The following C16orf74 variants were observed in gnomAD, a reference collection of about 807,000 sequenced individuals.
C16orf74 encodes uncharacterized protein C16orf74.
In C16orf74, 10 loss-of-function variants were observed where a neutral mutation model predicts 6.5. That is an observed-to-expected ratio of 1.54 (90% CI 0.95 to 2.61). The LOEUF (loss-of-function observed/expected upper bound fraction) is 2.61, where lower values mean the gene tolerates loss of function less well. Ranked by LOEUF, C16orf74 falls within the 30% of genes most tolerant of loss-of-function variation. C16orf74 has a pLI of 0.00. For missense variants in C16orf74, 141 were observed against 105.9 expected (o/e 1.33, Z -1.45); for synonymous variants, 60 against 42.5 (o/e 1.41, Z -1.60).
At chr16:85,711,487 G>A (rs1365441073) in intron 2 of C16orf74, among the ~76,000 whole-genome samples, 1 of 151,730 alleles carries the variant, frequency 6.6e-6, no homozygotes, top group African/African-American at 2.4e-5. Flanking sequence ...GCTGGGCATG[G>A]TGGTATGCGC....
chr16:85,722,580 G>A (rs1003471344), intron 2 of C16orf74, among the ~76,000 whole-genome samples: 2 of 152,236 alleles, frequency 1.3e-5, no homozygotes, highest in East Asian at 1.9e-4. Context: ...CCTGGCTCCC[G>A]CTGAGTGGGC....
chr16:85,742,657 T>C (rs1158740549), intron 1 of C16orf74, among the ~76,000 whole-genome samples: 3 of 152,156 alleles, frequency 2.0e-5, no homozygotes, highest in Non-Finnish European at 4.4e-5. Flanking sequence ...TTCTCCTGAC[T>C]TAGCCTCCCG....
chr16:85,710,307 C>A lies in C16orf74; in HGVS notation c.29G>T (p.Gly10Val). The A allele has an allele frequency of 2.7e-6, 4 of 1,505,302 alleles. No homozygotes were observed. The highest frequency in any genetic ancestry group is 3.5e-6 in the Non-Finnish European group (4 of 1,138,640). 93.2% of individuals were successfully genotyped at this position (1,505,302 alleles called of 1,614,324 possible). A position where few individuals can be genotyped will look rare whatever the true frequency, so the allele number is the denominator to read the frequency against. Residue 10 changes from glycine to valine, a missense_variant and splice_region_variant, in exon 3 of 4, where the codon GGC becomes GTC. Gly to Val is a moderately radical substitution (Grantham distance 109). Coordinates refer to ENST00000284245, the MANE Select transcript of C16orf74 (RefSeq NM_206967.3). MGLKMSCLK[G>V]FQMCVSSSSS... Reference sequence around the variant, plus strand: ...GCTGCTGCTGACACACATTTGAAAGCCTGAGAAGCCAGGCGTGGAGCACAC... The same window carrying A: ...GCTGCTGCTGACACACATTTGAAAGACTGAGAAGCCAGGCGTGGAGCACAC...
At chr16:85,712,896 A>G (rs2053984260) in intron 2 of C16orf74, among the ~76,000 whole-genome samples, 1 of 152,090 alleles carries the variant, frequency 6.6e-6, no homozygotes, top group South Asian at 2.1e-4. Flanking sequence ...CAAAGGCGTG[A>G]TTGATGGAGG....
At chr16:85,723,740 C>T (rs2054105894) in intron 2 of C16orf74, among the ~76,000 whole-genome samples, 1 of 152,218 alleles carries the variant, frequency 6.6e-6, no homozygotes, top group Non-Finnish European at 1.5e-5. Flanking sequence ...GGGGCGTGCA[C>T]GTAGCCGTGC....
chr16:85,714,830 C>G lies in C16orf74; in HGVS notation c.29-4523G>C, dbSNP rs187384586. ...CCCACACAGTCCCATCGAAGCAGGT[C>G]TAATACAGTGGGGTTTGAACCTTCT... On this transcript the variant is annotated intron_variant, in intron 2 of 3. Transcript: ENST00000284245. Among the ~76,000 whole-genome samples, 36 of 151,912 alleles carry G rather than the reference C, an allele frequency of 2.4e-4. No individual in the cohort carries two copies. In the Middle Eastern group the frequency reaches 0.01, roughly 43 times the overall value.
intron 1 of C16orf74, among the ~76,000 whole-genome samples, chr16:85,740,826 T>TAAAAAA (rs2054298040): frequency 5.4e-4 from 1 of 1,866 alleles, no homozygotes; most frequent in Non-Finnish European, 1.8e-3. Flanking sequence ...AGTGAGACCC[T>TAAAAAA]CAAAAAAAAA....
intron 2 of C16orf74, among the ~76,000 whole-genome samples, chr16:85,712,904 A>AG (rs1436361380): frequency 3.9e-5 from 6 of 152,000 alleles, no homozygotes; most frequent in African/African-American, 1.5e-4. Context: ...TGATTGATGG[A>AG]GGGGGGCTCC....
chr16:85,741,194 G>A (rs760738167), intron 1 of C16orf74, among the ~76,000 whole-genome samples: 22 of 152,126 alleles, frequency 1.4e-4, no homozygotes, highest in Non-Finnish European at 2.5e-4. Flanking sequence ...GCGTCAGATC[G>A]CGTTTTCCTG....
At position 85,716,990 on chromosome 16, in the gene C16orf74, G is replaced by A. The variant is rs113673867; in HGVS notation, c.29-6683C>T. On this transcript the variant is annotated intron_variant, in intron 2 of 3. Coordinates refer to ENST00000284245, the MANE Select transcript of C16orf74 (RefSeq NM_206967.3). ...TCCAGAAGGAAGGGAGCAGATCCCAGGGACCCAGGCCCGTCCCAAGGCTTC... is the reference window on the plus strand; with the variant it reads ...TCCAGAAGGAAGGGAGCAGATCCCAAGGACCCAGGCCCGTCCCAAGGCTTC... Among the ~76,000 whole-genome samples the A allele has an allele frequency of 6.8e-3, 1,038 of 152,300 alleles. 9 individuals are homozygous for A. Among genetic ancestry groups the A allele is most frequent in the African/African-American group, 0.023 (944 of 41,558 alleles).
chr16:85,729,196 C>T (rs1210502903), intron 2 of C16orf74, among the ~76,000 whole-genome samples: 1 of 152,208 alleles, frequency 6.6e-6, no homozygotes, highest in African/African-American at 2.4e-5. Context: ...AGTGAGAGGT[C>T]CCCTGTGCCT....
At chr16:85,744,829 C>CTAA (rs2054353644) in intron 1 of C16orf74, among the ~76,000 whole-genome samples, 1 of 59,374 alleles carries the variant, frequency 1.7e-5, no homozygotes, top group Non-Finnish European at 3.0e-5. Flanking sequence ...GACTCCATCT[C>CTAA]AAAAAAAAAA....
intron 2 of C16orf74, among the ~76,000 whole-genome samples, chr16:85,733,082 G>A (rs1330427495): frequency 1.3e-5 from 2 of 152,208 alleles, no homozygotes; most frequent in African/African-American, 4.8e-5. Flanking sequence ...TGGTCCCAGA[G>A]ATACCTCCAG....
At chr16:85,710,021 A>T in intron 3 of C16orf74, 143 bp downstream of exon 3, 1 of 644,304 alleles carries the variant, frequency 1.6e-6, no homozygotes, top group Non-Finnish European at 2.4e-6. Flanking sequence ...CAGTGTACAC[A>T]GGTCTGACCA....
intron 1 of C16orf74, among the ~76,000 whole-genome samples, chr16:85,741,258 G>C (rs951985380): frequency 6.6e-6 from 1 of 152,180 alleles, no homozygotes; most frequent in Non-Finnish European, 1.5e-5. Flanking sequence ...GGCTCTGGCC[G>C]AGCAAAGGAT....
chr16:85,716,939 A>G (rs1234978506), intron 2 of C16orf74, among the ~76,000 whole-genome samples: 1 of 152,214 alleles, frequency 6.6e-6, no homozygotes, highest in Non-Finnish European at 1.5e-5. Flanking sequence ...TCGGGCTATT[A>G]AAAGCCTATT....
chr16:85,740,357 C>A (rs1446184873), intron 1 of C16orf74, among the ~76,000 whole-genome samples: 2 of 151,230 alleles, frequency 1.3e-5, no homozygotes, highest in Non-Finnish European at 2.9e-5. Context: ...GAGTTCGAGA[C>A]CAGCCTGGCC....
At chr16:85,708,421 G>C (rs1379407462) in intron 3 of C16orf74, among the ~76,000 whole-genome samples, 1 of 152,162 alleles carries the variant, frequency 6.6e-6, no homozygotes, top group African/African-American at 2.4e-5. Context: ...GACTTTGACA[G>C]CCGAGCTAAG....
intron 2 of C16orf74, among the ~76,000 whole-genome samples, chr16:85,734,757 G>T (rs1160086493): frequency 1.3e-5 from 2 of 152,196 alleles, no homozygotes; most frequent in Non-Finnish European, 1.5e-5. Context: ...CAGTGGTTTT[G>T]TGTCCTTCTA....
Sources: gnomAD v4.1 joint callset for allele counts (sites outside exome capture counted in the v4.1 genomes callset) on GRCh38, gnomAD v4.1.1 for gene constraint, MANE v1.5 for transcripts, NCBI Gene and HGNC (gene_info 2026-07-23, HGNC 2026-07-21) for gene names.